MARCHF5: variants seen among roughly 807,000 people sequenced by gnomAD.
MARCHF5 encodes E3 ubiquitin-protein ligase MARCHF5.
Under a neutral mutation model 36.5 loss-of-function variants are expected in MARCHF5, and 5 were observed. The ratio of observed to expected loss-of-function variants is 0.14; its 90% CI spans 0.07 to 0.29. The LOEUF is 0.29. Ranked by LOEUF, MARCHF5 falls within the 10% of genes least tolerant of loss-of-function variation. MARCHF5 has a pLI of 1.00. For synonymous variants in MARCHF5, 103 were observed against 109.9 expected (o/e 0.94, Z 0.39); for missense variants, 179 against 336.3 (o/e 0.53, Z 3.66).
At chr10:92,309,067 A>C (rs1349699298) in intron 1 of MARCHF5, among the ~76,000 whole-genome samples, 3 of 152,340 alleles carry the variant, frequency 2.0e-5, no homozygotes, top group Non-Finnish European at 4.4e-5. Flanking sequence ...GGACTGAAAT[A>C]TACTGATGCC....
rs1842998221 is a variant in MARCHF5, at chr10:92,300,326, A to AAAG, written c.35+8799_35+8800insGAA. ...GAAACCCTGTGTCTACTTAAAAAAAAAAAGAAAGAAAGAAAAAATAGCTGG... is the reference window on the plus strand; with the variant it reads ...GAAACCCTGTGTCTACTTAAAAAAAAAAGAAAGAAAGAAAGAAAAAATAGCTGG... On this transcript the variant is annotated intron_variant, in intron 1 of 5. Transcript: ENST00000358935. Among the ~76,000 whole-genome samples the AAAG allele has an allele frequency of 2.0e-5, 3 of 151,944 alleles. No individual in the cohort carries two copies. The South Asian group carries it at 6.2e-4, about 32-fold the overall frequency.
chr10:92,307,198 TGTGTGTGTGTGTGTGC>T lies in MARCHF5; in HGVS notation c.36-3935_36-3920del, dbSNP rs1390257330. Reference sequence around the variant, plus strand: ...ATCTGTGTGTGTGTGTGTGTGTGTGTGTGTGTGTGTGTGTGCGCGTGCATGCACGCACGTGCCCTCC... The same window carrying T: ...ATCTGTGTGTGTGTGTGTGTGTGTGTGCGTGCATGCACGCACGTGCCCTCC... On this transcript the variant is annotated intron_variant, in intron 1 of 5. Transcript: ENST00000358935. Among the ~76,000 whole-genome samples the T allele has an allele frequency of 8.8e-4, 89 of 101,306 alleles. No homozygotes were observed. In the East Asian group the frequency reaches 0.023, roughly 26 times the overall value. The allele number at this position is 101,306 out of a possible 152,430, so 66.5% of individuals were successfully genotyped here. A position where few individuals can be genotyped will look rare whatever the true frequency, so the allele number is the denominator to read the frequency against.
At chr10:92,347,418 G>A (rs1168733621) in intron 3 of MARCHF5, among the ~76,000 whole-genome samples, 1 of 151,948 alleles carries the variant, frequency 6.6e-6, no homozygotes, top group Non-Finnish European at 1.5e-5. Flanking sequence ...TCAGGAGGTG[G>A]AGGTTGCAGT....
At chr10:92,334,972 CTT>C (rs767506309) in intron 2 of MARCHF5, among the ~76,000 whole-genome samples, 58 of 152,108 alleles carry the variant, frequency 3.8e-4, no homozygotes, top group Non-Finnish European at 1.2e-4. Context: ...ATTTTCAAAA[CTT>C]AATATTTATA....
At chr10:92,317,752 C>CT (rs61127922) in intron 2 of MARCHF5, among the ~76,000 whole-genome samples, 1,805 of 135,108 alleles carry the variant, frequency 0.013, 26 homozygotes, top group East Asian at 0.036. Context: ...AATCTGAATG[C>CT]TTTTTTTTTT....
intron 1 of MARCHF5, among the ~76,000 whole-genome samples, chr10:92,295,345 C>T (rs578162727): frequency 7.6e-5 from 7 of 91,900 alleles, no homozygotes; most frequent in African/African-American, 2.1e-4. Flanking sequence ...TTTTTTGAGG[C>T]GAAGTCTCAC....
chr10:92,297,042 C>T (rs931064909), intron 1 of MARCHF5, among the ~76,000 whole-genome samples: 1 of 152,050 alleles, frequency 6.6e-6, no homozygotes, highest in African/African-American at 2.4e-5. Context: ...AAATTAAATC[C>T]CCTTTGACCA....
chr10:92,337,595 A>G (rs919790276), intron 2 of MARCHF5, among the ~76,000 whole-genome samples: 2 of 152,180 alleles, frequency 1.3e-5, no homozygotes, highest in Admixed American at 1.3e-4. Flanking sequence ...GAAATGAAGC[A>G]GTGGGGCAAA....
intron 2 of MARCHF5, among the ~76,000 whole-genome samples, chr10:92,339,682 A>T (rs1843552681): frequency 1.3e-5 from 2 of 152,156 alleles, no homozygotes; most frequent in South Asian, 4.1e-4. Context: ...AAAAAAATAA[A>T]AATAATAAAT....
intron 1 of MARCHF5, 32 bp downstream of exon 1, chr10:92,291,561 G>A: frequency 1.3e-6 from 2 of 1,520,052 alleles, no homozygotes; most frequent in South Asian, 1.2e-5. Flanking sequence ...ACCGGGAGCC[G>A]CCGACCCTCG....
At chr10:92,306,104 A>T (rs1452551233) in intron 1 of MARCHF5, among the ~76,000 whole-genome samples, 3 of 152,236 alleles carry the variant, frequency 2.0e-5, no homozygotes, top group African/African-American at 7.2e-5. Context: ...GAATATATTT[A>T]GCTTTAGGCA....
Position 92,340,022 on chromosome 10 carries a change from C to T in MARCHF5, c.239-651C>T, listed in dbSNP as rs146378260. Among the ~76,000 whole-genome samples the T allele has an allele frequency of 1.3e-3, 200 of 152,148 alleles. 3 individuals are homozygous for T. The East Asian group carries it at 0.029, about 22-fold the overall frequency. ...GAGATAAATTGACATTATGTAAATA[C>T]AAGAAAATGGCCCTGGTTACCTTTA... On this transcript the variant is annotated intron_variant, in intron 2 of 5. Coordinates refer to ENST00000358935, the MANE Select transcript of MARCHF5 (RefSeq NM_017824.5).
chr10:92,342,884 G>A (rs973936448), intron 3 of MARCHF5, among the ~76,000 whole-genome samples: 2 of 152,190 alleles, frequency 1.3e-5, no homozygotes, highest in African/African-American at 4.8e-5. Flanking sequence ...TCCAGGAACT[G>A]CATATGTATC....
At chr10:92,299,118 G>A (rs1254170386) in intron 1 of MARCHF5, among the ~76,000 whole-genome samples, 1 of 151,926 alleles carries the variant, frequency 6.6e-6, no homozygotes, top group Non-Finnish European at 1.5e-5. Context: ...TACCTTGCCC[G>A]GCCTATTTAC....
rs935415632 is a variant in MARCHF5 at position 92,292,357 on chromosome 10, C to T, written c.35+828C>T. 3.3e-4 allele frequency among the ~76,000 whole-genome samples: 51 copies of T among 152,278 alleles called. 1 individual carries two copies. The highest frequency in any genetic ancestry group is 1.2e-3 in the African/African-American group (49 of 41,556). On this transcript the variant is annotated intron_variant, in intron 1 of 5. Transcript: ENST00000358935. ...CCCCGAGCCAAGTCTTACTTCCTGG[C>T]ATAGCAAGTTGTACAAGCTAATTCA...
In MARCHF5 at chr10:92,291,409, C is replaced by A; in HGVS notation, c.-86C>A. The A allele has an allele frequency of 8.1e-7, 1 of 1,238,566 alleles. No homozygotes were observed. The highest frequency in any genetic ancestry group is 1.2e-6 in the Non-Finnish European group (1 of 867,538). 76.7% of individuals were successfully genotyped at this position (1,238,566 alleles called of 1,614,324 possible). On this transcript the variant is annotated 5_prime_UTR_variant, in exon 1 of 6. Coordinates refer to ENST00000358935, the MANE Select transcript of MARCHF5 (RefSeq NM_017824.5). ...GCGGCTGCCGCCGGACTGCGGCCTA[C>A]TCCGCCGCCTCTCAGTGCTATTGTC...
chr10:92,295,405 TTA>T (rs1842937677), intron 1 of MARCHF5, among the ~76,000 whole-genome samples: 2 of 142,666 alleles, frequency 1.4e-5, no homozygotes, highest in Non-Finnish European at 3.1e-5. Context: ...ATTTATTTAT[TTA>T]TTTTTTATTT....
At chr10:92,332,061 C>CT (rs1172333453) in intron 2 of MARCHF5, among the ~76,000 whole-genome samples, 14 of 142,398 alleles carry the variant, frequency 9.8e-5, no homozygotes, top group South Asian at 2.2e-4. Flanking sequence ...TTTGTGGGTC[C>CT]TTTTTTTTTT....
At chr10:92,348,243 C>T (rs1474900304) in intron 3 of MARCHF5, among the ~76,000 whole-genome samples, 1 of 150,526 alleles carries the variant, frequency 6.6e-6, no homozygotes, top group East Asian at 2.0e-4. Context: ...AATCCCAGCA[C>T]TTTGAGAGGC....
Sources: gnomAD v4.1 joint callset for allele counts (sites outside exome capture counted in the v4.1 genomes callset) on GRCh38, gnomAD v4.1.1 for gene constraint, MANE v1.5 for transcripts, NCBI Gene and HGNC (gene_info 2026-07-23, HGNC 2026-07-21) for gene names.